Variants in DAPK2 observed in about 807,000 individuals in gnomAD.
DAPK2 encodes the protein death-associated protein kinase 2.
DAPK2 carries 35 observed loss-of-function variants against 44.1 expected under a neutral mutation model. The observed-to-expected ratio is 0.79, with a 90% CI of 0.61 to 1.05. The LOEUF (loss-of-function observed/expected upper bound fraction) is 1.05, where lower values mean the gene tolerates loss of function less well. Among genes scored for constraint, DAPK2 ranks in the 50% least tolerant of loss-of-function variants. DAPK2 has a pLI of 0.00. For missense variants in DAPK2, 453 were observed against 483.2 expected, an observed-to-expected ratio of 0.94 and a Z score of 0.59; for synonymous variants, 174 against 182.6, an observed-to-expected ratio of 0.95 and a Z score of 0.38.
rs150805668 is a variant in DAPK2 at position 63,965,144 on chromosome 15, T to A, written c.453+6279A>T. Among the ~76,000 whole-genome samples, 14 of 152,358 alleles carry A rather than the reference T, an allele frequency of 9.2e-5. No homozygotes were observed. In the East Asian group the frequency reaches 2.7e-3, roughly 29 times the overall value. ...TGAGTGTTGTAATCTAAGTTTTTGGTCACTCCAGCCAAATCTGTATTAGAG... is the reference window on the plus strand; with the variant it reads ...TGAGTGTTGTAATCTAAGTTTTTGGACACTCCAGCCAAATCTGTATTAGAG... On this transcript the variant is annotated intron_variant, in intron 3 of 10. Transcript: ENST00000261891.
At chr15:64,001,582 G>C (rs542001298) in intron 1 of DAPK2, among the ~76,000 whole-genome samples, 1 of 152,236 alleles carries the variant, frequency 6.6e-6, no homozygotes, top group East Asian at 1.9e-4. Flanking sequence ...GGCACAAATA[G>C]GTCAGCAGTG....
intron 1 of DAPK2, among the ~76,000 whole-genome samples, chr15:64,035,607 A>G (rs1263699574): frequency 6.6e-6 from 1 of 152,182 alleles, no homozygotes; most frequent in African/African-American, 2.4e-5. Context: ...AGCCTCATCT[A>G]CAAAATGAGG....
chr15:63,922,607 AG>A (rs2079106807), intron 8 of DAPK2: 4 of 1,422,044 alleles, frequency 2.8e-6, no homozygotes, highest in South Asian at 1.6e-5. Context: ...GATTCTGTGG[AG>A]GGGCTGGAAG....
At chr15:64,034,921 A>G (rs951217742) in intron 1 of DAPK2, among the ~76,000 whole-genome samples, 33 of 152,340 alleles carry the variant, frequency 2.2e-4, no homozygotes, top group Non-Finnish European at 7.3e-5. Context: ...TAATCCCAGC[A>G]CTTCGGGAGG....
intron 4 of DAPK2, among the ~76,000 whole-genome samples, chr15:63,933,448 G>A (rs555628959): frequency 1.2e-4 from 19 of 152,152 alleles, no homozygotes; most frequent in African/African-American, 4.6e-4. Context: ...TCACCATGTT[G>A]GCCAGGCTGG....
rs75818124 is a variant in DAPK2 at position 63,998,443 on chromosome 15, C to T, written c.93-14689G>A. 3.9e-5 allele frequency among the ~76,000 whole-genome samples: 6 copies of T among 152,348 alleles called. No individual in the cohort carries two copies. The East Asian group carries it at 1.2e-3, about 29-fold the overall frequency. On this transcript the variant is annotated intron_variant, in intron 1 of 10. Transcript: ENST00000261891. ...GAGAGCCAAAGGATGGACTGTCTCC[C>T]TCAGGCTGCCTGCCACCACACTGTT...
At chr15:64,001,417 C>T (rs2079082401) in intron 1 of DAPK2, among the ~76,000 whole-genome samples, 2 of 152,118 alleles carry the variant, frequency 1.3e-5, no homozygotes, top group East Asian at 3.8e-4. Context: ...GGCTCAAGCA[C>T]TCACAATATA....
At chr15:64,008,016 G>T (rs1246071432) in intron 1 of DAPK2, among the ~76,000 whole-genome samples, 6 of 152,098 alleles carry the variant, frequency 3.9e-5, no homozygotes, top group Non-Finnish European at 5.9e-5. Flanking sequence ...AGGGCTAGTG[G>T]GTTTGGGAGA....
At chr15:63,954,259 T>C (rs996226385) in intron 3 of DAPK2, among the ~76,000 whole-genome samples, 3 of 152,220 alleles carry the variant, frequency 2.0e-5, no homozygotes, top group African/African-American at 7.2e-5. Flanking sequence ...TCTCCAATGT[T>C]TTCTTTTAGT....
intron 1 of DAPK2, among the ~76,000 whole-genome samples, chr15:64,037,896 C>A (rs1424413009): frequency 6.6e-6 from 1 of 152,174 alleles, no homozygotes; most frequent in African/African-American, 2.4e-5. Context: ...CTGCTGCTTA[C>A]TCACCTTTTG....
In DAPK2 at chr15:63,983,059, A is replaced by T. The variant is rs562858275; in HGVS notation, c.314+474T>A. Among the ~76,000 whole-genome samples, 4 of 152,308 alleles carry T rather than the reference A, an allele frequency of 2.6e-5. No individual in the cohort carries two copies. In the South Asian group the frequency reaches 6.2e-4, roughly 24 times the overall value. On this transcript the variant is annotated intron_variant, in intron 2 of 10. Transcript: ENST00000261891. Reference sequence around the variant, plus strand: ...AATAAAGGTGTCATTCACAGCACAAATGCAGTGGACTTTCCCCAGGAAAGG... The same window carrying T: ...AATAAAGGTGTCATTCACAGCACAATTGCAGTGGACTTTCCCCAGGAAAGG...
At position 63,908,609 on chromosome 15, in the gene DAPK2, A is replaced by G. The variant is rs1327443670; in HGVS notation, c.1033-9T>C. On this transcript the variant is annotated splice_polypyrimidine_tract_variant and intron_variant, in intron 10 of 10. Transcript: ENST00000261891. This position sits in a 1 kb window ranked among gnomAD's most constrained non-coding sequence, Gnocchi z 5.7. ...TCACTCTCACAGTTCCTCTGGAGAA[A>G]AAAAAGAGAAAGAGGTCCAGGGCAG... is the stretch of plus-strand genomic sequence containing the variant. 1 of 1,587,112 alleles carries G rather than the reference A, an allele frequency of 6.3e-7. No homozygotes were observed. Among genetic ancestry groups the G allele is most frequent in the Non-Finnish European group, 8.6e-7 (1 of 1,169,078 alleles).
intron 8 of DAPK2, chr15:63,922,546 T>TGG (rs2079103742): frequency 7.3e-7 from 1 of 1,368,060 alleles, no homozygotes; most frequent in Non-Finnish European, 9.4e-7. Flanking sequence ...AAAACCAGAT[T>TGG]GGTGAGGGGA....
At chr15:63,989,147 T>G (rs900545752) in intron 1 of DAPK2, among the ~76,000 whole-genome samples, 10 of 144,170 alleles carry the variant, frequency 6.9e-5, no homozygotes, top group African/African-American at 2.6e-4. Flanking sequence ...GCCACTGCAC[T>G]GCTGCACTGC....
intron 3 of DAPK2, among the ~76,000 whole-genome samples, chr15:63,954,908 T>C (rs1400929330): frequency 6.6e-6 from 1 of 152,202 alleles, no homozygotes; most frequent in African/African-American, 2.4e-5. Flanking sequence ...AGGTTTCTTT[T>C]TAGCTATTGT....
At chr15:64,041,746 T>C (rs1273400473), upstream of DAPK2, among the ~76,000 whole-genome samples, 1 of 152,234 alleles carries the variant, frequency 6.6e-6, no homozygotes, top group Non-Finnish European at 1.5e-5. Context: ...GCCAAGTGGC[T>C]GGAGCTGTCC....
At chr15:63,989,050 C>A (rs1185000304) in intron 1 of DAPK2, among the ~76,000 whole-genome samples, 1 of 151,660 alleles carries the variant, frequency 6.6e-6, no homozygotes, top group Non-Finnish European at 1.5e-5. Flanking sequence ...CATGGTGGTG[C>A]AAGCCTGTAA....
At chr15:63,929,215 G>C (rs2079431763) in intron 6 of DAPK2, among the ~76,000 whole-genome samples, 1 of 139,624 alleles carries the variant, frequency 7.2e-6, no homozygotes, top group Non-Finnish European at 1.6e-5. Flanking sequence ...AAAAAAAAAA[G>C]AGTTCTGAGT....
At chr15:63,944,745 A>C (rs1255458051) in intron 3 of DAPK2, among the ~76,000 whole-genome samples, 1 of 152,050 alleles carries the variant, frequency 6.6e-6, no homozygotes, top group African/African-American at 2.4e-5. Context: ...CCAACACATC[A>C]CTGAATCTGG....
Sources: allele counts gnomAD v4.1 joint callset (sites outside exome capture counted in the v4.1 genomes callset), GRCh38; gene constraint gnomAD v4.1.1; non-coding constraint Gnocchi (gnomAD v3.1); transcripts MANE v1.5; gene names NCBI Gene and HGNC (gene_info 2026-07-23, HGNC 2026-07-21).